GABRB1: variants seen among roughly 807,000 people sequenced by gnomAD.
GABRB1 encodes the protein gamma-aminobutyric acid type A receptor subunit beta1, also known as gamma-aminobutyric acid receptor subunit beta-1.
Under a neutral mutation model 51.6 loss-of-function variants are expected in GABRB1, and 17 were observed. That is an observed-to-expected ratio of 0.33 (90% confidence interval 0.23 to 0.49). The LOEUF is 0.49. Ranked by LOEUF, GABRB1 falls within the 20% of genes least tolerant of loss-of-function variation. The pLI is 0.99. For synonymous variants in GABRB1, 247 were observed against 218.9 expected (o/e 1.13, Z -1.14); for missense variants, 410 against 600.6 (o/e 0.68, Z 3.32).
chr4:47,298,936 A>G (rs956804913), intron 4 of GABRB1, among the ~76,000 whole-genome samples: 21 of 151,810 alleles, frequency 1.4e-4, no homozygotes, highest in Admixed American at 7.2e-4. Flanking sequence ...ATAACGCCGC[A>G]TATCTACAAC....
intron 3 of GABRB1, among the ~76,000 whole-genome samples, chr4:47,137,723 A>G (rs2109686116): frequency 6.6e-6 from 1 of 152,250 alleles, no homozygotes; most frequent in Middle Eastern, 3.4e-3. Flanking sequence ...ACTTAATGAC[A>G]AGAATTTAAG....
intron 3 of GABRB1, among the ~76,000 whole-genome samples, chr4:47,159,124 G>A (rs148857159): frequency 4.7e-5 from 7 of 148,030 alleles, no homozygotes; most frequent in Non-Finnish European, 6.0e-5. Flanking sequence ...AAAAGAAAAA[G>A]AAAAAAAAAA....
intron 4 of GABRB1, among the ~76,000 whole-genome samples, chr4:47,302,132 C>T (rs1428882723): frequency 1.3e-5 from 2 of 152,128 alleles, no homozygotes; most frequent in African/African-American, 4.8e-5. Flanking sequence ...TTTCCCTCCT[C>T]TGATATACTA....
At chr4:47,414,363 C>T (rs1387426399) in intron 8 of GABRB1, among the ~76,000 whole-genome samples, 5 of 152,128 alleles carry the variant, frequency 3.3e-5, no homozygotes, top group African/African-American at 4.8e-5. Context: ...AACATTGGTT[C>T]GGTCTGGAAA....
chr4:47,083,812 T>C (rs533259641), intron 3 of GABRB1, among the ~76,000 whole-genome samples: 12 of 152,192 alleles, frequency 7.9e-5, no homozygotes, highest in South Asian at 2.1e-4. Flanking sequence ...TTGTTCTGGA[T>C]TTTCCCCCAG....
chr4:47,297,926 C>T (rs1021184850), intron 4 of GABRB1, among the ~76,000 whole-genome samples: 6 of 152,280 alleles, frequency 3.9e-5, no homozygotes, highest in Non-Finnish European at 8.8e-5. Flanking sequence ...GGATGCAAGG[C>T]TGGTTCAATA....
chr4:47,170,385 ACACACACACACACACACG>A (rs1051137972), intron 4 of GABRB1, among the ~76,000 whole-genome samples: 6 of 149,042 alleles, frequency 4.0e-5, no homozygotes, highest in South Asian at 2.1e-4. Flanking sequence ...TCCACTACAC[ACACACACACACACACACG>A]CACACACACA....
intron 3 of GABRB1, among the ~76,000 whole-genome samples, chr4:47,153,093 A>G (rs967980359): frequency 3.9e-5 from 6 of 152,142 alleles, no homozygotes; most frequent in South Asian, 2.1e-4. Flanking sequence ...AAGCCTGCAG[A>G]GAACAGTGGA....
At chr4:47,363,398 T>TG (rs1471190549) in intron 5 of GABRB1, among the ~76,000 whole-genome samples, 1 of 152,050 alleles carries the variant, frequency 6.6e-6, no homozygotes, top group Non-Finnish European at 1.5e-5. Flanking sequence ...GTGTCGGTTA[T>TG]GGGGGAGGAA....
chr4:47,227,979 G>A (rs563723540), intron 4 of GABRB1, among the ~76,000 whole-genome samples: 14 of 152,138 alleles, frequency 9.2e-5, no homozygotes, highest in South Asian at 2.1e-4. Context: ...TCATTTTAAC[G>A]TAATTATCTC....
chr4:47,106,195 C>G (rs903660140), intron 3 of GABRB1, among the ~76,000 whole-genome samples: 1 of 152,050 alleles, frequency 6.6e-6, no homozygotes, highest in African/African-American at 2.4e-5. Flanking sequence ...TAAAATACTT[C>G]TGTTTTTATG....
At chr4:47,334,757 T>G (rs1285688895) in intron 5 of GABRB1, among the ~76,000 whole-genome samples, 3 of 152,234 alleles carry the variant, frequency 2.0e-5, no homozygotes. Context: ...TTTTCCCGAC[T>G]TTATTTAAAC....
intron 5 of GABRB1, among the ~76,000 whole-genome samples, chr4:47,324,193 T>C (rs1378515381): frequency 1.3e-5 from 2 of 152,184 alleles, no homozygotes; most frequent in African/African-American, 4.8e-5. Context: ...ACTTATCTTC[T>C]TTAAACTTTC....
In GABRB1 at chr4:47,150,546, T is replaced by G. The variant is rs575139683; in HGVS notation, c.241-10703T>G. ...TAAGTAAAATGAGTTATATTTCTAC[T>G]CATTTAATTGGAGAATTTCTGTGCT... is the stretch of plus-strand genomic sequence containing the variant. On this transcript the variant is annotated intron_variant, in intron 3 of 8. Coordinates refer to ENST00000295454, the MANE Select transcript of GABRB1 (RefSeq NM_000812.4). Among the ~76,000 whole-genome samples the G allele has an allele frequency of 4.6e-5, 7 of 151,852 alleles. No homozygotes were observed. The East Asian group carries it at 1.4e-3, about 30-fold the overall frequency.
intron 4 of GABRB1, among the ~76,000 whole-genome samples, chr4:47,188,490 G>A (rs1719286191): frequency 6.6e-6 from 1 of 151,824 alleles, no homozygotes; most frequent in Admixed American, 6.6e-5. Context: ...ATAATGTTGT[G>A]TTTGTTAGAC....
Position 47,161,603 on chromosome 4 carries a change from G to T in GABRB1, c.461+134G>T, listed in dbSNP as rs957614797. ...AAATGGGGTGTCATATACTTATGAA[G>T]GTCTATTACAAACCCTCATGTAGTT... On this transcript the variant is annotated intron_variant, in intron 4 of 8. Coordinates refer to ENST00000295454, the MANE Select transcript of GABRB1 (RefSeq NM_000812.4). 4.4e-6 allele frequency: 3 copies of T among 678,518 alleles called. No individual in the cohort carries two copies. The African/African-American group carries it at 5.4e-5, about 12-fold the overall frequency. 42.0% of individuals were successfully genotyped at this position (678,518 alleles called of 1,614,324 possible). A position where few individuals can be genotyped will look rare whatever the true frequency, so the allele number is the denominator to read the frequency against.
At chr4:47,083,422 A>G (rs1727934480) in intron 3 of GABRB1, among the ~76,000 whole-genome samples, 1 of 152,198 alleles carries the variant, frequency 6.6e-6, no homozygotes, top group African/African-American at 2.4e-5. Context: ...ATTTATGGCG[A>G]CTTACAGATT....
rs181513328 is a variant in GABRB1 at position 47,298,755 on chromosome 4, A to G, written c.462-21372A>G. Among the ~76,000 whole-genome samples the G allele has an allele frequency of 1.7e-4, 26 of 152,312 alleles. No individual in the cohort carries two copies. In the East Asian group the frequency reaches 4.8e-3, roughly 28 times the overall value. ...AAAAACTACTTTAAAGTTCATATGGAAACAAAAAAGAACCTGCATTGCCAA... is the reference window on the plus strand; with the variant it reads ...AAAAACTACTTTAAAGTTCATATGGGAACAAAAAAGAACCTGCATTGCCAA... On this transcript the variant is annotated intron_variant, in intron 4 of 8. Coordinates refer to ENST00000295454, the MANE Select transcript of GABRB1 (RefSeq NM_000812.4).
chr4:47,115,769 A>C (rs375457987), intron 3 of GABRB1, among the ~76,000 whole-genome samples: 162 of 151,372 alleles, frequency 1.1e-3, no homozygotes, highest in Non-Finnish European at 1.5e-3. Flanking sequence ...TGTTAAAAAA[A>C]CAGTTAACAG....
Sources: gnomAD v4.1 joint callset for allele counts (sites outside exome capture counted in the v4.1 genomes callset) on GRCh38, gnomAD v4.1.1 for gene constraint, MANE v1.5 for transcripts, NCBI Gene and HGNC (gene_info 2026-07-23, HGNC 2026-07-21) for gene names.